Variants in VPS13B observed in about 807,000 individuals in gnomAD.
VPS13B encodes the protein intermembrane lipid transfer protein VPS13B.
VPS13B carries 285 observed loss-of-function variants against 426.4 expected under a neutral mutation model. That is an observed-to-expected ratio of 0.67 (90% CI 0.61 to 0.74). The LOEUF is 0.74. Ranked by LOEUF, VPS13B falls within the 30% of genes least tolerant of loss-of-function variation. VPS13B has a pLI of 0.00. For missense variants in VPS13B, 4,537 were observed against 4,782.6 expected, an observed-to-expected ratio of 0.95 and a Z score of 1.51; for synonymous variants, 1,676 against 1,676.4, an observed-to-expected ratio of 1.00 and a Z score of 0.01.
chr8:99,393,400 CTCA>C (rs1230512961), intron 21 of VPS13B, among the ~76,000 whole-genome samples: 2 of 151,964 alleles, frequency 1.3e-5, no homozygotes, highest in Admixed American at 6.6e-5. Flanking sequence ...AACATAATTT[CTCA>C]TCATTAATTA....
chr8:99,731,421 A>G (rs766420918), intron 39 of VPS13B, among the ~76,000 whole-genome samples: 3 of 152,228 alleles, frequency 2.0e-5, no homozygotes, highest in Non-Finnish European at 4.4e-5. Flanking sequence ...TTAAGGGAGT[A>G]AAACCAGGAT....
Position 99,363,343 on chromosome 8 carries a change from T to C in VPS13B, c.2825-20865T>C, listed in dbSNP as rs182520004. On this transcript the variant is annotated intron_variant, in intron 19 of 61. Transcript: ENST00000357162. Reference sequence around the variant, plus strand: ...TAGATGGATGGATTTGTTTCCTGTTTTTATGCCTGTGCCATGTTATTTTGT... The same window carrying C: ...TAGATGGATGGATTTGTTTCCTGTTCTTATGCCTGTGCCATGTTATTTTGT... 1.8e-3 allele frequency among the ~76,000 whole-genome samples: 267 copies of C among 152,332 alleles called. 2 individuals are homozygous for C. Among genetic ancestry groups the C allele is most frequent in the African/African-American group, 6.2e-3 (256 of 41,586 alleles).
intron 33 of VPS13B, among the ~76,000 whole-genome samples, chr8:99,640,056 GAAA>G (rs58653356): frequency 0.038 from 3,588 of 94,620 alleles, 121 homozygotes; most frequent in Admixed American, 0.063. Context: ...GAAGAGAAAA[GAAA>G]AGAAAAGAAA....
Position 99,614,669 on chromosome 8 carries a change from G to A in VPS13B, c.5221-27142G>A, listed in dbSNP as rs190747713. On this transcript the variant is annotated intron_variant, in intron 33 of 61. Transcript: ENST00000357162. ...ATTTCATGGGATTTAGGCTTAATCC[G>A]GGTCATTTAGAAATAGTCCTACGTT... Among the ~76,000 whole-genome samples the A allele has an allele frequency of 1.3e-3, 204 of 152,154 alleles. 1 individual carries two copies. Among genetic ancestry groups the A allele is most frequent in the African/African-American group, 4.7e-3 (195 of 41,504 alleles).
intron 17 of VPS13B, among the ~76,000 whole-genome samples, chr8:99,202,067 A>G (rs1384461663): frequency 2.0e-5 from 3 of 152,204 alleles, no homozygotes; most frequent in Non-Finnish European, 4.4e-5. Context: ...ATCTAAAGAT[A>G]TTACCTATGG....
chr8:99,699,975 A>G, intron 36 of VPS13B, 43 bp downstream of exon 36: 1 of 1,595,418 alleles, frequency 6.3e-7, no homozygotes, highest in Non-Finnish European at 8.5e-7. Flanking sequence ...AACAAGTAAG[A>G]TGATTTGTTA....
At chr8:99,177,905 T>C (rs1812722402) in intron 16 of VPS13B, among the ~76,000 whole-genome samples, 1 of 152,218 alleles carries the variant, frequency 6.6e-6, no homozygotes, top group Non-Finnish European at 1.5e-5. Flanking sequence ...AATATTATCC[T>C]GTGACAACAT....
chr8:99,680,747 T>G (rs1831124110), intron 35 of VPS13B, among the ~76,000 whole-genome samples: 1 of 152,218 alleles, frequency 6.6e-6, no homozygotes, highest in Admixed American at 6.5e-5. Context: ...TCTAAACTCT[T>G]AAACATAAGT....
At chr8:99,279,637 C>G (rs1157209300) in intron 19 of VPS13B, among the ~76,000 whole-genome samples, 1 of 152,080 alleles carries the variant, frequency 6.6e-6, no homozygotes, top group Non-Finnish European at 1.5e-5. Flanking sequence ...GTTCTGCTTG[C>G]TAAAGAGTTC....
intron 19 of VPS13B, among the ~76,000 whole-genome samples, chr8:99,281,256 C>T (rs957944813): frequency 6.6e-6 from 1 of 152,246 alleles, no homozygotes; most frequent in South Asian, 2.1e-4. Flanking sequence ...GCCCACTCCT[C>T]ACCTCCTGCT....
At chr8:99,253,973 C>A (rs991915902) in intron 17 of VPS13B, among the ~76,000 whole-genome samples, 1 of 152,050 alleles carries the variant, frequency 6.6e-6, no homozygotes, top group African/African-American at 2.4e-5. Context: ...TGTGTTATTC[C>A]AGTTCAAGTG....
chr8:99,401,852 G>A (rs1269879701), intron 21 of VPS13B, among the ~76,000 whole-genome samples: 5 of 152,162 alleles, frequency 3.3e-5, no homozygotes, highest in African/African-American at 9.7e-5. Flanking sequence ...GCTACAGAGC[G>A]AGACTCCATC....
At chr8:99,764,733 A>C (rs969494652) in intron 39 of VPS13B, among the ~76,000 whole-genome samples, 1 of 151,970 alleles carries the variant, frequency 6.6e-6, no homozygotes, top group Non-Finnish European at 1.5e-5. Context: ...TACTTTATTC[A>C]TTTTAACAGT....
rs143905569 is a variant in VPS13B at position 99,481,601 on chromosome 8, C to G, written c.3669C>G (p.Val1223=). The change falls in exon 25 of 62, where the codon GTC becomes GTG. Residue 1223 remains valine, a splice_region_variant and synonymous_variant. Coordinates refer to ENST00000357162, the MANE Select transcript of VPS13B (RefSeq NM_152564.5). ...TTTCTTTTTTCTTATGCTCTCAGGT[C>G]CAGCTCTTCTATGAACTAACTGATA... ...SLEIKCSNPQ[V]QLFYELTDIM... 6 of 1,613,490 alleles carry G rather than the reference C, an allele frequency of 3.7e-6. No homozygotes were observed. In the South Asian group the frequency reaches 5.5e-5, roughly 15 times the overall value.
In VPS13B at chr8:99,598,602, T is replaced by A. The variant is rs1272562845; in HGVS notation, c.5220+20969T>A. 2.0e-5 allele frequency among the ~76,000 whole-genome samples: 3 copies of A among 152,078 alleles called. No individual in the cohort carries two copies. In the East Asian group the frequency reaches 5.8e-4, roughly 29 times the overall value. On this transcript the variant is annotated intron_variant, in intron 33 of 61. Transcript: ENST00000357162. ...TTGTAGGAAAATATAAACCATGTTT[T>A]TAGGGGCAAAGAATAGAACCACATC...
chr8:99,684,892 C>T (rs570394444), intron 35 of VPS13B, among the ~76,000 whole-genome samples: 73 of 152,324 alleles, frequency 4.8e-4, no homozygotes, highest in Non-Finnish European at 8.2e-4. Context: ...CAACCTTCAC[C>T]TCCCAGGTTC....
chr8:99,266,323 G>A (rs1448428761), intron 17 of VPS13B, among the ~76,000 whole-genome samples: 3 of 151,868 alleles, frequency 2.0e-5, no homozygotes, highest in African/African-American at 7.3e-5. Flanking sequence ...GAGATGGGAG[G>A]ATCACTTGAG....
intron 44 of VPS13B, among the ~76,000 whole-genome samples, chr8:99,815,931 G>A (rs13265660): frequency 0.19 from 29,232 of 151,970 alleles, 3,337 homozygotes; most frequent in African/African-American, 0.32. Flanking sequence ...TCCTGGGCTC[G>A]AGTGATACTC....
At position 99,179,801 on chromosome 8, in the gene VPS13B, T is replaced by A. The variant is rs79153234; in HGVS notation, c.2333+9638T>A. 1.2e-4 allele frequency among the ~76,000 whole-genome samples: 19 copies of A among 152,284 alleles called. No individual in the cohort carries two copies. In the East Asian group the frequency reaches 3.7e-3, roughly 29 times the overall value. On this transcript the variant is annotated intron_variant, in intron 16 of 61. Coordinates refer to ENST00000357162, the MANE Select transcript of VPS13B (RefSeq NM_152564.5). ...AGACATGAGTAAATATTTATTGGCATGCGTCTGGCTGTTTCTTTAACAATT... is the reference window on the plus strand; with the variant it reads ...AGACATGAGTAAATATTTATTGGCAAGCGTCTGGCTGTTTCTTTAACAATT...
Sources: gnomAD v4.1 joint callset for allele counts (sites outside exome capture counted in the v4.1 genomes callset) on GRCh38, gnomAD v4.1.1 for gene constraint, MANE v1.5 for transcripts, NCBI Gene and HGNC (gene_info 2026-07-23, HGNC 2026-07-21) for gene names.